Variants in ADAMTSL1 observed in about 807,000 individuals in gnomAD.
The protein encoded by ADAMTSL1 is ADAMTS like 1.
Under a neutral mutation model 201.8 loss-of-function variants are expected in ADAMTSL1, and 126 were observed. That is an observed-to-expected ratio of 0.62 (90% CI 0.54 to 0.72). The LOEUF is 0.72. Ranked by LOEUF, ADAMTSL1 falls within the 30% of genes least tolerant of loss-of-function variation. ADAMTSL1 has a pLI of 0.00. For missense variants in ADAMTSL1, 2,679 were observed against 2,277.8 expected (o/e 1.18, Z -3.59); for synonymous variants, 1,121 against 903.4 (o/e 1.24, Z -4.32).
At chr9:18,189,604 G>A (rs905903707) in intron 2 of ADAMTSL1, among the ~76,000 whole-genome samples, 8 of 152,080 alleles carry the variant, frequency 5.3e-5, no homozygotes, top group African/African-American at 1.9e-4. Context: ...ATATGTCATA[G>A]TTTGAAATAT....
chr9:18,716,123 C>G (rs10811020), intron 14 of ADAMTSL1, among the ~76,000 whole-genome samples: 84,301 of 150,898 alleles, frequency 0.56, 23,746 homozygotes, highest in South Asian at 0.67. Context: ...AGACCTAAAA[C>G]CGTAAAAACC....
chr9:18,146,104 A>G (rs1439487747), intron 1 of ADAMTSL1, among the ~76,000 whole-genome samples: 1 of 152,170 alleles, frequency 6.6e-6, no homozygotes, highest in Non-Finnish European at 1.5e-5. Flanking sequence ...GATACAAAGC[A>G]ACACATTCTC....
intron 1 of ADAMTSL1, among the ~76,000 whole-genome samples, chr9:18,127,976 G>A (rs1825806476): frequency 6.6e-6 from 1 of 152,162 alleles, no homozygotes; most frequent in Admixed American, 6.5e-5. Context: ...ATAGATTAAA[G>A]CTTAGGTGGT....
At chr9:18,373,067 T>A (rs1268947271) in intron 2 of ADAMTSL1, among the ~76,000 whole-genome samples, 1 of 152,198 alleles carries the variant, frequency 6.6e-6, no homozygotes, top group Non-Finnish European at 1.5e-5. Flanking sequence ...CTTTTGGAAC[T>A]TCCTGCTATA....
intron 2 of ADAMTSL1, among the ~76,000 whole-genome samples, chr9:18,254,667 G>GGGGGGGGGGGGGGGGGC: frequency 2.4e-5 from 1 of 41,830 alleles, no homozygotes; most frequent in African/African-American, 8.0e-5. Context: ...CTGCCCCCCC[G>GGGGGGGGGGGGGGGGGC]CCCCCCCCAG....
At chr9:18,563,259 G>A (rs1240494603) in intron 3 of ADAMTSL1, among the ~76,000 whole-genome samples, 4 of 152,178 alleles carry the variant, frequency 2.6e-5, no homozygotes, top group Non-Finnish European at 5.9e-5. Context: ...TCCTCTAACA[G>A]TCAGGCTCCT....
chr9:18,119,843 G>A (rs141287203), intron 1 of ADAMTSL1, among the ~76,000 whole-genome samples: 1 of 152,176 alleles, frequency 6.6e-6, no homozygotes, highest in East Asian at 1.9e-4. Flanking sequence ...GAAAGACATT[G>A]ATAAAACATC....
intron 1 of ADAMTSL1, among the ~76,000 whole-genome samples, chr9:17,926,464 G>T (rs1271294100): frequency 6.6e-6 from 1 of 152,172 alleles, no homozygotes; most frequent in Non-Finnish European, 1.5e-5. Context: ...AATCCATGCT[G>T]ACGGCAGCTC....
At chr9:18,776,123 G>A (rs985460399) in intron 18 of ADAMTSL1, among the ~76,000 whole-genome samples, 4 of 152,168 alleles carry the variant, frequency 2.6e-5, no homozygotes, top group Non-Finnish European at 4.4e-5. Context: ...GTTTGCAGGG[G>A]GGTAGAGCAA....
intron 1 of ADAMTSL1, among the ~76,000 whole-genome samples, chr9:17,947,342 CA>C (rs1256475098): frequency 6.8e-5 from 10 of 148,128 alleles, no homozygotes; most frequent in South Asian, 6.4e-4. Flanking sequence ...CACACACACA[CA>C]CACCCCACTA....
At chr9:18,213,162 C>A (rs992276832) in intron 2 of ADAMTSL1, among the ~76,000 whole-genome samples, 1 of 152,198 alleles carries the variant, frequency 6.6e-6, no homozygotes, top group Admixed American at 6.5e-5. Flanking sequence ...AAGCTCTGCT[C>A]TTCCCTCTTT....
At chr9:18,781,153 G>T (rs142636780) in intron 19 of ADAMTSL1, among the ~76,000 whole-genome samples, 2,062 of 152,142 alleles carry the variant, frequency 0.014, 28 homozygotes, top group Middle Eastern at 0.024. Context: ...TAGAAACAGA[G>T]ACGTGGCAGC....
chr9:17,979,965 G>T (rs920625573), intron 1 of ADAMTSL1, among the ~76,000 whole-genome samples: 4 of 152,050 alleles, frequency 2.6e-5, no homozygotes, highest in Non-Finnish European at 5.9e-5. Context: ...ATGAAGCTTG[G>T]AACCGTGGAA....
At chr9:18,657,160 A>G (rs1230587650) in intron 7 of ADAMTSL1, among the ~76,000 whole-genome samples, 1 of 152,222 alleles carries the variant, frequency 6.6e-6, no homozygotes, top group African/African-American at 2.4e-5. Context: ...AAGAAGCCCA[A>G]TATGTGTCTC....
chr9:18,565,965 C>T (rs1344556049), intron 3 of ADAMTSL1, among the ~76,000 whole-genome samples: 1 of 152,024 alleles, frequency 6.6e-6, no homozygotes, highest in Non-Finnish European at 1.5e-5. Flanking sequence ...AAATGTCTGG[C>T]TATTTTTTAA....
At chr9:18,337,420 C>G (rs1280991491) in intron 2 of ADAMTSL1, among the ~76,000 whole-genome samples, 1 of 152,168 alleles carries the variant, frequency 6.6e-6, no homozygotes, top group Admixed American at 6.5e-5. Flanking sequence ...TGAGTCGATA[C>G]TCCTTAATAA....
chr9:18,636,230 T>C (rs1827105836), intron 6 of ADAMTSL1, among the ~76,000 whole-genome samples: 1 of 152,080 alleles, frequency 6.6e-6, no homozygotes, highest in Admixed American at 6.6e-5. Context: ...TCCTGAAAAA[T>C]ACAAAATAGA....
intron 2 of ADAMTSL1, among the ~76,000 whole-genome samples, chr9:18,201,190 A>G (rs1829430316): frequency 1.3e-5 from 2 of 152,128 alleles, no homozygotes; most frequent in African/African-American, 2.4e-5. Context: ...GATTTCCCAC[A>G]GAGAGTGAAA....
chr9:17,915,735 A>G (rs1275175503), intron 1 of ADAMTSL1, among the ~76,000 whole-genome samples: 3 of 152,200 alleles, frequency 2.0e-5, no homozygotes, highest in Non-Finnish European at 4.4e-5. Context: ...TCTTTTGGTC[A>G]TTCAAACAGG....
Sources: gnomAD v4.1 joint callset for allele counts (sites outside exome capture counted in the v4.1 genomes callset) on GRCh38, gnomAD v4.1.1 for gene constraint, MANE v1.5 for transcripts, NCBI Gene and HGNC (gene_info 2026-07-23, HGNC 2026-07-21) for gene names.